Variants in KIRREL3 observed in about 807,000 individuals in gnomAD.
KIRREL3 encodes kin of IRRE-like protein 3.
Under a neutral mutation model 89.7 loss-of-function variants are expected in KIRREL3, and 36 were observed. The ratio of observed to expected loss-of-function variants is 0.40; its 90% CI spans 0.31 to 0.53. The LOEUF is 0.53. Among genes scored for constraint, KIRREL3 ranks in the 20% least tolerant of loss-of-function variants. The probability of loss-of-function intolerance (pLI) is 0.49; values close to 1 mark genes in which losing one functional copy is unlikely to be tolerated. For synonymous variants in KIRREL3, 445 were observed against 441.4 expected (o/e 1.01, Z -0.10); for missense variants, 864 against 1,056.6 (o/e 0.82, Z 2.53).
intron 1 of KIRREL3, among the ~76,000 whole-genome samples, chr11:126,670,395 G>A (rs1945882334): frequency 6.6e-6 from 1 of 152,132 alleles, no homozygotes; most frequent in African/African-American, 2.4e-5. Context: ...ATTGGAACAA[G>A]GTGAGAATAT....
At chr11:126,770,395 C>T (rs932962645) in intron 1 of KIRREL3, among the ~76,000 whole-genome samples, 14 of 152,156 alleles carry the variant, frequency 9.2e-5, no homozygotes, top group South Asian at 2.1e-4. Context: ...ACAGTCGCAG[C>T]GACACTGGGG....
At chr11:126,718,304 G>A (rs1948045356) in intron 1 of KIRREL3, among the ~76,000 whole-genome samples, 1 of 152,202 alleles carries the variant, frequency 6.6e-6, no homozygotes, top group African/African-American at 2.4e-5. Context: ...GGCTCACTCA[G>A]TGGGAAGCAG....
chr11:126,603,785 T>C (rs1159649901), intron 1 of KIRREL3, among the ~76,000 whole-genome samples: 1 of 152,192 alleles, frequency 6.6e-6, no homozygotes, highest in Non-Finnish European at 1.5e-5. Flanking sequence ...TAGCTCCGGA[T>C]TGACCAGGGT....
chr11:126,907,232 C>T (rs186452773), intron 1 of KIRREL3, among the ~76,000 whole-genome samples: 1 of 152,334 alleles, frequency 6.6e-6, no homozygotes, highest in Non-Finnish European at 1.5e-5. Context: ...AACCCGAGCT[C>T]CAGGTGCCTC....
At position 126,913,170 on chromosome 11, in the gene KIRREL3, T is replaced by C. The variant is rs1223602335; in HGVS notation, c.55+87285A>G. 4.6e-5 allele frequency among the ~76,000 whole-genome samples: 7 copies of C among 152,286 alleles called. No individual in the cohort carries two copies. The East Asian group carries it at 1.4e-3, about 29-fold the overall frequency. ...CTTTCAGTGTCCTTTCTCCATGAGA[T>C]AGTTAGGGTCAATAGTGATTGCAGG... On this transcript the variant is annotated intron_variant, in intron 1 of 16. Transcript: ENST00000525144.
intron 1 of KIRREL3, among the ~76,000 whole-genome samples, chr11:126,834,735 TAG>T (rs1943723094): frequency 1.3e-5 from 2 of 152,252 alleles, no homozygotes; most frequent in Admixed American, 1.3e-4. Flanking sequence ...CTGGACTGCA[TAG>T]AATGGCACTG....
intron 1 of KIRREL3, among the ~76,000 whole-genome samples, chr11:126,971,501 T>C (rs1949423762): frequency 1.3e-5 from 2 of 152,148 alleles, no homozygotes; most frequent in South Asian, 4.1e-4. Flanking sequence ...TTTGGCATCA[T>C]TGAGTCTCTC....
rs1453104100 is a variant in KIRREL3 at position 126,615,022 on chromosome 11, AAG to A, written c.56-52112_56-52111del. 1.3e-5 allele frequency among the ~76,000 whole-genome samples: 2 copies of A among 152,120 alleles called. No homozygotes were observed. The highest frequency in any genetic ancestry group is 2.9e-5 in the Non-Finnish European group (2 of 68,026). On this transcript the variant is annotated intron_variant, in intron 1 of 16. Coordinates refer to ENST00000525144, the MANE Select transcript of KIRREL3 (RefSeq NM_032531.4). The surrounding 1 kb of genome is among the most constrained non-coding windows in gnomAD (Gnocchi z 5.4). ...GGGAGAGGCGTGATTTGCGGTCTTC[AAG>A]AGGCTGAAAGGCTGTCATGTGGAAG...
chr11:126,799,450 A>G (rs1256592743), intron 1 of KIRREL3, among the ~76,000 whole-genome samples: 1 of 38,242 alleles, frequency 2.6e-5, no homozygotes, highest in Non-Finnish European at 5.4e-5. Flanking sequence ...GTGTGCATGC[A>G]TCTCTGTGTG....
intron 1 of KIRREL3, among the ~76,000 whole-genome samples, chr11:126,980,844 C>T (rs181986817): frequency 7.2e-5 from 11 of 152,164 alleles, no homozygotes; most frequent in East Asian, 1.9e-4. Context: ...AGAGCATCAC[C>T]GATCAGGAAA....
chr11:126,834,983 G>A (rs1230545283), intron 1 of KIRREL3, among the ~76,000 whole-genome samples: 3 of 152,238 alleles, frequency 2.0e-5, no homozygotes, highest in Non-Finnish European at 4.4e-5. Flanking sequence ...GGTGCCTCCA[G>A]TTGTGTGTTT....
Position 126,641,345 on chromosome 11 carries a change from G to A in KIRREL3, c.56-78433C>T, listed in dbSNP as rs1944460600. Among the ~76,000 whole-genome samples the A allele has an allele frequency of 6.6e-6, 1 of 151,076 alleles. No homozygotes were observed. The highest frequency in any genetic ancestry group is 2.1e-4 in the South Asian group (1 of 4,778). ...CAGTCATGGTTCTGGGTTTAGCAGGGTCTCTACTCCAGGCCTTGTCTCTGA... is the reference window on the plus strand; with the variant it reads ...CAGTCATGGTTCTGGGTTTAGCAGGATCTCTACTCCAGGCCTTGTCTCTGA... On this transcript the variant is annotated intron_variant, in intron 1 of 16. Coordinates refer to ENST00000525144, the MANE Select transcript of KIRREL3 (RefSeq NM_032531.4). This position sits in a 1 kb window ranked among gnomAD's most constrained non-coding sequence, Gnocchi z 5.0.
In KIRREL3 at chr11:126,645,342, C is replaced by T. The variant is rs527655827; in HGVS notation, c.56-82430G>A. On this transcript the variant is annotated intron_variant, in intron 1 of 16. Transcript: ENST00000525144. The surrounding 1 kb of genome is among the most constrained non-coding windows in gnomAD (Gnocchi z 4.9). Reference sequence around the variant, plus strand: ...TGGTCCTCAAATCCTGAATACTTCTCTCCCAGAGCATTTACCACACGGTGC... The same window carrying T: ...TGGTCCTCAAATCCTGAATACTTCTTTCCCAGAGCATTTACCACACGGTGC... 1.8e-4 allele frequency among the ~76,000 whole-genome samples: 28 copies of T among 152,296 alleles called. No homozygotes were observed. The highest frequency in any genetic ancestry group is 6.0e-4 in the African/African-American group (25 of 41,558).
chr11:126,497,250 G>A (rs1007567333), intron 4 of KIRREL3, among the ~76,000 whole-genome samples: 3 of 151,216 alleles, frequency 2.0e-5, no homozygotes, highest in African/African-American at 2.5e-5. Context: ...GTGAGTGTGT[G>A]CGTGACAGTG....
Position 126,431,334 on chromosome 11 carries a change from T to C in KIRREL3, c.1696+85A>G, listed in dbSNP as rs753095419. On this transcript the variant is annotated intron_variant, in intron 14 of 16. Coordinates refer to ENST00000525144, the MANE Select transcript of KIRREL3 (RefSeq NM_032531.4). This position sits in a 1 kb window ranked among gnomAD's most constrained non-coding sequence, Gnocchi z 7.1. The stretch of plus-strand genomic sequence containing the variant: ...CTGTTAGGACCCCTGTTCATTGCAC[T>C]CCTGCTTACTTGCTCTCCGGGGCAG... 6.4e-7 allele frequency: 1 copy of C among 1,568,108 alleles called. No individual in the cohort carries two copies. Among genetic ancestry groups the C allele is most frequent in the Non-Finnish European group, 8.6e-7 (1 of 1,156,424 alleles).
rs1223804183 is a variant in KIRREL3 at position 127,000,071 on chromosome 11, C to T, written c.55+384G>A. Among the ~76,000 whole-genome samples the T allele has an allele frequency of 1.3e-5, 2 of 152,146 alleles. No individual in the cohort carries two copies. The highest frequency in any genetic ancestry group is 2.1e-4 in the South Asian group (1 of 4,820). On this transcript the variant is annotated intron_variant, in intron 1 of 16. Transcript: ENST00000525144. The surrounding 1 kb of genome is among the most constrained non-coding windows in gnomAD (Gnocchi z 7.1). ...CCTAAACCAAGCTCTCCCTCCCTGC[C>T]GTCTCCTTCCCTGGCCTGGGTCTGA...
At chr11:126,512,085 A>C (rs969278469) in intron 4 of KIRREL3, among the ~76,000 whole-genome samples, 1 of 152,096 alleles carries the variant, frequency 6.6e-6, no homozygotes, top group African/African-American at 2.4e-5. Flanking sequence ...CCTCCATTTC[A>C]TGAGATGAGG....
At chr11:126,468,699 G>A (rs1448713547) in intron 5 of KIRREL3, among the ~76,000 whole-genome samples, 1 of 152,246 alleles carries the variant, frequency 6.6e-6, no homozygotes, top group African/African-American at 2.4e-5. Context: ...CCCCCTGTGG[G>A]ACAGGAGCCA....
intron 1 of KIRREL3, among the ~76,000 whole-genome samples, chr11:126,753,012 G>A (rs976664114): frequency 1.3e-5 from 2 of 152,108 alleles, no homozygotes; most frequent in African/African-American, 2.4e-5. Flanking sequence ...TGTGACCCAT[G>A]GGTACAAAGA....
Sources: allele counts gnomAD v4.1 joint callset (sites outside exome capture counted in the v4.1 genomes callset), GRCh38; gene constraint gnomAD v4.1.1; non-coding constraint Gnocchi (gnomAD v3.1); transcripts MANE v1.5; gene names NCBI Gene and HGNC (gene_info 2026-07-23, HGNC 2026-07-21).